The following ITCH variants were observed in gnomAD, a reference collection of about 807,000 sequenced individuals.
ITCH encodes itchy E3 ubiquitin protein ligase.
Under a neutral mutation model 126.8 loss-of-function variants are expected in ITCH, and 28 were observed. That is an observed-to-expected ratio of 0.22 (90% CI 0.16 to 0.30). ITCH has a LOEUF of 0.30. Ranked by LOEUF, ITCH falls within the 10% of genes least tolerant of loss-of-function variation. The probability of loss-of-function intolerance (pLI) is 1.00; values close to 1 mark genes in which losing one functional copy is unlikely to be tolerated. For synonymous variants in ITCH, 342 were observed against 340.0 expected (o/e 1.01, Z -0.06); for missense variants, 631 against 1,032.4 (o/e 0.61, Z 5.33).
At chr20:34,371,279 CTTTTTTTTT>C (rs770951963) in intron 2 of ITCH, among the ~76,000 whole-genome samples, 8 of 118,454 alleles carry the variant, frequency 6.8e-5, no homozygotes, top group African/African-American at 3.6e-5. Context: ...ATCACTTCTT[CTTTTTTTTT>C]TTTTTTTTTT....
chr20:34,450,993 T>TA (rs1429622278), intron 12 of ITCH: 1 of 152,126 alleles, frequency 6.6e-6, no homozygotes, highest in Non-Finnish European at 1.5e-5. Flanking sequence ...CAGGAGGACA[T>TA]ATGAAAGTTG....
At chr20:34,392,469 A>G (rs2038521731) in intron 2 of ITCH, among the ~76,000 whole-genome samples, 1 of 152,148 alleles carries the variant, frequency 6.6e-6, no homozygotes, top group Non-Finnish European at 1.5e-5. Context: ...AGTAGGTTGG[A>G]TTTTATAGGG....
In ITCH at chr20:34,412,369, G is replaced by A. The variant is rs1601838285; in HGVS notation, c.213-146G>A. On this transcript the variant is annotated intron_variant, in intron 4 of 24. Transcript: ENST00000374864. ...TTCAGATAATTTTCATAAGATTACTGAACATAGGCCAATATTGATTGTATA... is the reference window on the plus strand; with the variant it reads ...TTCAGATAATTTTCATAAGATTACTAAACATAGGCCAATATTGATTGTATA... The A allele has an allele frequency of 6.5e-6, 4 of 615,144 alleles. No homozygotes were observed. The Admixed American group carries it at 1.2e-4, about 18-fold the overall frequency. 38.1% of individuals were successfully genotyped at this position (615,144 alleles called of 1,614,324 possible).
At chr20:34,432,843 A>G (rs1432638871) in intron 7 of ITCH, among the ~76,000 whole-genome samples, 2 of 152,064 alleles carry the variant, frequency 1.3e-5, no homozygotes, top group African/African-American at 2.4e-5. Flanking sequence ...TGTAGTCCCA[A>G]CTACACAAAA....
Position 34,462,447 on chromosome 20 carries a change from T to G in ITCH, c.1424+226T>G, listed in dbSNP as rs533019076. On this transcript the variant is annotated intron_variant, in intron 14 of 24. Coordinates refer to ENST00000374864, the MANE Select transcript of ITCH (RefSeq NM_031483.7). ...GTTCACACAGCACTAAATGAAACTA[T>G]TTAGAATTTATAGGTATTGTACTGC... Among the ~76,000 whole-genome samples the G allele has an allele frequency of 9.2e-4, 140 of 152,320 alleles. 1 individual carries two copies. The highest frequency in any genetic ancestry group is 3.2e-3 in the African/African-American group (134 of 41,564).
chr20:34,462,053 C>T, intron 13 of ITCH, 40 bp from the exon 14 acceptor site: 1 of 1,604,112 alleles, frequency 6.2e-7, no homozygotes, highest in South Asian at 1.1e-5. Flanking sequence ...ACAAGCAACT[C>T]TTTAATATTT....
intron 2 of ITCH, among the ~76,000 whole-genome samples, chr20:34,382,015 CTG>C (rs1274781349): frequency 6.6e-6 from 1 of 152,058 alleles, no homozygotes; most frequent in Non-Finnish European, 1.5e-5. Flanking sequence ...ATTTGTTTAC[CTG>C]TGAGAACAAA....
At chr20:34,430,768 A>C (rs1031619730) in intron 7 of ITCH, among the ~76,000 whole-genome samples, 1 of 152,128 alleles carries the variant, frequency 6.6e-6, no homozygotes, top group Non-Finnish European at 1.5e-5. Context: ...GTGAGTCACC[A>C]CGCCCAGCCT....
chr20:34,390,506 A>T (rs1044853087), intron 2 of ITCH, among the ~76,000 whole-genome samples: 3 of 139,210 alleles, frequency 2.2e-5, no homozygotes, highest in Admixed American at 8.1e-5. Flanking sequence ...GCTGGAGTGC[A>T]ATGGCACGAT....
rs1403145772 is a variant in ITCH at position 34,379,906 on chromosome 20, CT to C, written c.-22+10445del. Reference sequence around the variant, plus strand: ...ACCACTGCACCCGGCCCCCCCCCCCCTTTTTTTTTGAGACAGAGTCTCGCTC... The same window carrying C: ...ACCACTGCACCCGGCCCCCCCCCCCCTTTTTTTTGAGACAGAGTCTCGCTC... On this transcript the variant is annotated intron_variant, in intron 2 of 24. Transcript: ENST00000374864. 4.6e-4 allele frequency among the ~76,000 whole-genome samples: 11 copies of C among 24,142 alleles called. No homozygotes were observed. The East Asian group carries it at 0.011, about 23-fold the overall frequency. The allele number at this position is 24,142 out of a possible 152,430, so 15.8% of individuals were successfully genotyped here.
chr20:34,414,144 TAA>T (rs76509681), intron 6 of ITCH, among the ~76,000 whole-genome samples: 25 of 137,434 alleles, frequency 1.8e-4, no homozygotes, highest in Admixed American at 2.2e-4. Context: ...CTTGTTTCTT[TAA>T]AAAAAAAAAA....
chr20:34,404,415 C>CTTTTTT (rs1302908229), intron 3 of ITCH, among the ~76,000 whole-genome samples: 13 of 120,506 alleles, frequency 1.1e-4, no homozygotes, highest in African/African-American at 1.5e-4. Context: ...GAGCTTCTGT[C>CTTTTTT]TTTTTTTTTT....
At chr20:34,496,295 A>C (rs1466629899) in intron 23 of ITCH, among the ~76,000 whole-genome samples, 1 of 151,978 alleles carries the variant, frequency 6.6e-6, no homozygotes, top group Admixed American at 6.6e-5. Context: ...CCCATTTTTT[A>C]ATGCATTGTT....
At chr20:34,462,531 C>G (rs972315080) in intron 14 of ITCH, among the ~76,000 whole-genome samples, 1 of 152,092 alleles carries the variant, frequency 6.6e-6, no homozygotes, top group Admixed American at 6.6e-5. Flanking sequence ...AACTTTTTGA[C>G]GTTAAAAAAG....
intron 15 of ITCH, 49 bp downstream of exon 15, chr20:34,470,169 CT>C (rs10716089): frequency 0.68 from 911,883 of 1,339,146 alleles, 314,980 homozygotes; most frequent in South Asian, 0.79. Context: ...TGTTGTGTTG[CT>C]TTATATTACA....
intron 14 of ITCH, 39 bp downstream of exon 14, chr20:34,462,260 T>C: frequency 6.3e-7 from 1 of 1,594,566 alleles, no homozygotes; most frequent in Non-Finnish European, 8.6e-7. Flanking sequence ...AGTAAAATAC[T>C]AGTCCTTCAG....
intron 2 of ITCH, among the ~76,000 whole-genome samples, chr20:34,387,457 C>CCTGT (rs1428232225): frequency 1.3e-4 from 20 of 151,906 alleles, no homozygotes; most frequent in Non-Finnish European, 2.2e-4. Flanking sequence ...ATAGTGAGAC[C>CCTGT]CTGTCTCTAT....
In ITCH at chr20:34,440,335, T is replaced by C; in HGVS notation, c.860T>C (p.Leu287Ser). Residue 287 changes from leucine to serine, a missense_variant, in exon 9 of 25, where the codon TTG (leucine) becomes TCG (serine). Coordinates refer to ENST00000374864, the MANE Select transcript of ITCH (RefSeq NM_031483.7). ...TTAAATCCTGTAACTCAAGCTCCCT[T>C]GCCACCTGGGTGAGTAACTTTTTAA... The part of the protein sequence containing the change: ...RPLNPVTQAP[L>S]PPGWEQRVDQ... 6.2e-7 allele frequency: 1 copy of C among 1,613,396 alleles called. No homozygotes were observed. Among genetic ancestry groups the C allele is most frequent in the Non-Finnish European group, 8.5e-7 (1 of 1,179,244 alleles).
At chr20:34,477,398 C>T (rs565436663) in intron 16 of ITCH, among the ~76,000 whole-genome samples, 8 of 152,196 alleles carry the variant, frequency 5.3e-5, no homozygotes, top group African/African-American at 9.6e-5. Flanking sequence ...GGCGTGGTGG[C>T]GCACACCTGT....
Sources: gnomAD v4.1 joint callset for allele counts (sites outside exome capture counted in the v4.1 genomes callset) on GRCh38, gnomAD v4.1.1 for gene constraint, MANE v1.5 for transcripts, NCBI Gene and HGNC (gene_info 2026-07-23, HGNC 2026-07-21) for gene names.